Variants in KMO observed in about 807,000 individuals in gnomAD.
KMO encodes kynurenine 3-hydroxylase.
Under a neutral mutation model 57.8 loss-of-function variants are expected in KMO, and 24 were observed. That is an observed-to-expected ratio of 0.42 (90% CI 0.30 to 0.58). The LOEUF (loss-of-function observed/expected upper bound fraction) is 0.58, where lower values mean the gene tolerates loss of function less well. KMO is among the 20% of genes least tolerant of loss of function. The pLI, the probability that KMO is intolerant of heterozygous loss-of-function variation, is 0.22. For missense variants in KMO, 483 were observed against 588.2 expected (o/e 0.82, Z 1.85); for synonymous variants, 210 against 193.6 (o/e 1.08, Z -0.70).
chr1:241,559,700 A>C (rs1661767568), intron 5 of KMO, among the ~76,000 whole-genome samples: 1 of 152,014 alleles, frequency 6.6e-6, no homozygotes, highest in Non-Finnish European at 1.5e-5. Context: ...CAGGAATAGA[A>C]CTCCTGCCTT....
chr1:241,555,751 T>A (rs1338288403), intron 5 of KMO, 91 bp downstream of exon 5: 7 of 796,592 alleles, frequency 8.8e-6, no homozygotes, highest in Non-Finnish European at 1.5e-5. Context: ...TGTTTGCTGC[T>A]CCTTTTTATG....
intron 4 of KMO, among the ~76,000 whole-genome samples, chr1:241,553,803 T>C (rs1464744943): frequency 6.6e-6 from 1 of 152,244 alleles, no homozygotes; most frequent in African/African-American, 2.4e-5. Context: ...AACCTAGCTT[T>C]GAGGCAGAGA....
At chr1:241,555,738 AT>A (rs1661592069) in intron 5 of KMO, 78 bp downstream of exon 5, 2 of 884,938 alleles carry the variant, frequency 2.3e-6, no homozygotes, top group Admixed American at 3.7e-5. Context: ...GATTTATTGG[AT>A]TTGTTTGCTG....
intron 11 of KMO, among the ~76,000 whole-genome samples, chr1:241,587,350 G>A (rs1190417453): frequency 2.0e-5 from 3 of 152,190 alleles, no homozygotes; most frequent in African/African-American, 7.2e-5. Flanking sequence ...CCTGCTGTGC[G>A]GCCCAGTTCC....
intron 4 of KMO, among the ~76,000 whole-genome samples, chr1:241,553,156 T>C (rs1430315893): frequency 6.6e-6 from 1 of 152,248 alleles, no homozygotes; most frequent in African/African-American, 2.4e-5. Flanking sequence ...GAGGCCACTT[T>C]ATAGCGCTTG....
At chr1:241,582,269 G>A (rs1662782385) in intron 10 of KMO, among the ~76,000 whole-genome samples, 1 of 152,076 alleles carries the variant, frequency 6.6e-6, no homozygotes, top group Admixed American at 6.5e-5. Context: ...AATCTGTTTA[G>A]TGTTTTATGA....
Position 241,561,678 on chromosome 1 carries a change from C to G in KMO, c.450-489C>G, listed in dbSNP as rs184446060. On this transcript the variant is annotated intron_variant, in intron 6 of 14. Transcript: ENST00000366559. The stretch of plus-strand genomic sequence containing the variant: ...CCCCTAATAGATAATTTCAGTTTCC[C>G]TTTTGCCAGAATAATGTTTTAAAAT... Among the ~76,000 whole-genome samples, 588 of 152,320 alleles carry G rather than the reference C, an allele frequency of 3.9e-3. 3 individuals carry two copies. The highest frequency in any genetic ancestry group is 0.013 in the African/African-American group (543 of 41,572).
intron 5 of KMO, 33 bp downstream of exon 5, chr1:241,555,693 T>A (rs1558418118): frequency 7.6e-7 from 1 of 1,320,044 alleles, no homozygotes; most frequent in Non-Finnish European, 1.1e-6. Flanking sequence ...CAGTTGTCAT[T>A]TTGAGTAAAG....
chr1:241,586,233 C>A (rs1480896638), intron 10 of KMO, among the ~76,000 whole-genome samples: 5 of 127,726 alleles, frequency 3.9e-5, no homozygotes, highest in East Asian at 2.4e-4. Context: ...GGGTCTCGCT[C>A]TGTCACCCAG....
At chr1:241,554,697 G>A (rs1661544481) in intron 4 of KMO, among the ~76,000 whole-genome samples, 1 of 151,552 alleles carries the variant, frequency 6.6e-6, no homozygotes, top group South Asian at 2.1e-4. Flanking sequence ...GTGGCCGGGC[G>A]CTGTGGCTCA....
chr1:241,579,671 A>C (rs1421589377), intron 10 of KMO, among the ~76,000 whole-genome samples: 2 of 152,094 alleles, frequency 1.3e-5, no homozygotes, highest in Non-Finnish European at 2.9e-5. Context: ...TTCTCCTCAG[A>C]GACAGCAACT....
chr1:241,562,391 C>G lies in KMO; in HGVS notation c.615+59C>G. ...AACCCTTGCTCCATGAGCGCGAATG[C>G]GTATTCTAGTGCAGTGGTTCTCAGC... On this transcript the variant is annotated intron_variant, in intron 7 of 14. Transcript: ENST00000366559. The G allele has an allele frequency of 5.2e-6, 8 of 1,527,078 alleles. No individual in the cohort carries two copies. In the South Asian group the frequency reaches 7.0e-5, roughly 13 times the overall value. The allele number at this position is 1,527,078 out of a possible 1,614,324, so 94.6% of individuals were successfully genotyped here.
At chr1:241,586,811 A>G (rs552747780) in intron 11 of KMO, 75 bp downstream of exon 11, 8 of 1,028,932 alleles carry the variant, frequency 7.8e-6, no homozygotes, top group African/African-American at 3.2e-5. Context: ...CTGATCCTCA[A>G]TGATCACAAA....
intron 9 of KMO, among the ~76,000 whole-genome samples, chr1:241,568,005 A>C (rs931171192): frequency 1.3e-5 from 2 of 152,158 alleles, no homozygotes; most frequent in African/African-American, 4.8e-5. Context: ...CTTCCTGTCT[A>C]ACTTAAAGTT....
At chr1:241,580,627 T>C (rs1396893578) in intron 10 of KMO, among the ~76,000 whole-genome samples, 2 of 152,140 alleles carry the variant, frequency 1.3e-5, no homozygotes, top group Non-Finnish European at 2.9e-5. Context: ...CAGGAGCATA[T>C]TGTTTAATTT....
At chr1:241,545,968 A>T (rs1042173664) in intron 1 of KMO, among the ~76,000 whole-genome samples, 1 of 152,122 alleles carries the variant, frequency 6.6e-6, no homozygotes, top group Non-Finnish European at 1.5e-5. Flanking sequence ...ACATGATCAG[A>T]TTTGTATATT....
chr1:241,588,323 T>TTTTTTC, intron 11 of KMO, among the ~76,000 whole-genome samples: 1 of 125,424 alleles, frequency 8.0e-6, no homozygotes, highest in Non-Finnish European at 1.6e-5. Flanking sequence ...TTCTCATCTT[T>TTTTTTC]TTTTTCTTTT....
chr1:241,548,742 T>C (rs1032044378), intron 1 of KMO, 87 bp from the exon 2 acceptor site: 1 of 760,722 alleles, frequency 1.3e-6, no homozygotes. Flanking sequence ...TAGTAAAACA[T>C]AGCCTCACAT....
In KMO at chr1:241,566,600, C is replaced by T; in HGVS notation, c.797C>T (p.Pro266Leu). Reference sequence around the variant, plus strand: ...CAGAAATACTTTCCGGATGCCATCCCTCTAATTGGAGAGTAAGTTGCAAGA... The same window carrying T: ...CAGAAATACTTTCCGGATGCCATCCTTCTAATTGGAGAGTAAGTTGCAAGA... ...FFQKYFPDAI[P>L]LIGEKLLVQD... Residue 266 changes from proline (P) to leucine (L), a missense_variant, in exon 9 of 15, where the codon CCT (proline) becomes CTT (leucine). Transcript: ENST00000366559. 6.2e-7 allele frequency: 1 copy of T among 1,613,722 alleles called. No individual in the cohort carries two copies. Among genetic ancestry groups the T allele is most frequent in the Non-Finnish European group, 8.5e-7 (1 of 1,179,776 alleles).
Sources: gnomAD v4.1 joint callset for allele counts (sites outside exome capture counted in the v4.1 genomes callset) on GRCh38, gnomAD v4.1.1 for gene constraint, MANE v1.5 for transcripts, NCBI Gene and HGNC (gene_info 2026-07-23, HGNC 2026-07-21) for gene names.